The following PPARGC1B variants were observed in gnomAD, a reference collection of about 807,000 sequenced individuals.
PPARGC1B encodes the protein peroxisome proliferator-activated receptor gamma coactivator 1-beta.
PPARGC1B carries 34 observed loss-of-function variants against 101.6 expected under a neutral mutation model. That is an observed-to-expected ratio of 0.33 (90% CI 0.25 to 0.45). PPARGC1B has a LOEUF of 0.45. PPARGC1B is among the 20% of genes least tolerant of loss of function. The probability of loss-of-function intolerance (pLI) is 1.00; values close to 1 mark genes in which losing one functional copy is unlikely to be tolerated. For synonymous variants in PPARGC1B, 548 were observed against 539.3 expected (o/e 1.02, Z -0.22); for missense variants, 1,234 against 1,317.6 (o/e 0.94, Z 0.98).
intron 1 of PPARGC1B, among the ~76,000 whole-genome samples, chr5:149,799,693 G>GTTGTTGTTGTTGTTTTTTTTTTTT (rs752427488): frequency 1.3e-5 from 1 of 76,480 alleles, no homozygotes; most frequent in African/African-American, 5.7e-5. Flanking sequence ...GCTTGTTGTT[G>GTTGTTGTTGTTGTTTTTTTTTTTT]TTTTTTTTTT....
intron 1 of PPARGC1B, among the ~76,000 whole-genome samples, chr5:149,784,106 C>T (rs1336246326): frequency 1.3e-5 from 2 of 151,962 alleles, no homozygotes; most frequent in African/African-American, 4.8e-5. Context: ...ATTGCATCAC[C>T]CCAACCCCAG....
Position 149,826,816 on chromosome 5 carries a change from A to G in PPARGC1B, c.396A>G (p.Ser132=), listed in dbSNP as rs771960761. 3.1e-6 allele frequency: 5 copies of G among 1,613,624 alleles called. No homozygotes were observed. The highest frequency in any genetic ancestry group is 4.2e-6 in the Non-Finnish European group (5 of 1,179,770). Residue 132 remains serine, a synonymous_variant, in exon 3 of 12, where the codon TCA becomes TCG. Coordinates refer to ENST00000309241, the MANE Select transcript of PPARGC1B (RefSeq NM_133263.4). ...LSCTSASPAP[S]SAPPSPAPEK... ...GCACCTCAGCTTCGCCTGCCCCCTC[A>G]TCTGCACCCCCCAGCCCTGCCCCGG...
intron 1 of PPARGC1B, among the ~76,000 whole-genome samples, chr5:149,802,518 TG>T (rs1269999508): frequency 2.0e-5 from 3 of 151,630 alleles, no homozygotes; most frequent in African/African-American, 7.3e-5. Flanking sequence ...AGGCAGGATT[TG>T]GGATGGAGGC....
rs1758810561 is a variant in PPARGC1B at position 149,832,181 on chromosome 5, CGCCTGT to C, written c.583-474_583-469del. ...AAAATTAGCCGGGTGTGGTGATGCA[CGCCTGT>C]AATCCCAACTACTCGGGAGGCTGAG... On this transcript the variant is annotated intron_variant, in intron 4 of 11. Coordinates refer to ENST00000309241, the MANE Select transcript of PPARGC1B (RefSeq NM_133263.4). This position sits in a 1 kb window ranked among gnomAD's most constrained non-coding sequence, Gnocchi z 4.9. Among the ~76,000 whole-genome samples the C allele has an allele frequency of 1.3e-5, 2 of 152,154 alleles. No homozygotes were observed. Among genetic ancestry groups the C allele is most frequent in the African/African-American group, 4.8e-5 (2 of 41,406 alleles).
rs548704688 is a variant in PPARGC1B at position 149,832,035 on chromosome 5, G to A, written c.583-621G>A. ...CATATCCATCATTCAGGCTGGTCGC[G>A]GTGGCTCACGCCTGTAATCCCAGCA... On this transcript the variant is annotated intron_variant, in intron 4 of 11. Coordinates refer to ENST00000309241, the MANE Select transcript of PPARGC1B (RefSeq NM_133263.4). The surrounding 1 kb of genome is among the most constrained non-coding windows in gnomAD (Gnocchi z 4.9). Among the ~76,000 whole-genome samples the A allele has an allele frequency of 2.0e-5, 3 of 152,158 alleles. No homozygotes were observed. The highest frequency in any genetic ancestry group is 4.4e-5 in the Non-Finnish European group (3 of 68,022).
At chr5:149,798,795 G>C (rs756798833) in intron 1 of PPARGC1B, among the ~76,000 whole-genome samples, 1 of 152,180 alleles carries the variant, frequency 6.6e-6, no homozygotes, top group Non-Finnish European at 1.5e-5. Flanking sequence ...CTGTAGAGTG[G>C]ACTGGACAGT....
intron 1 of PPARGC1B, among the ~76,000 whole-genome samples, chr5:149,808,069 A>G (rs952208647): frequency 6.6e-6 from 1 of 152,216 alleles, no homozygotes; most frequent in Admixed American, 6.5e-5. Context: ...AAAGGCAGAA[A>G]CAGCAACGGG....
chr5:149,742,608 A>T (rs1300495720), intron 1 of PPARGC1B, among the ~76,000 whole-genome samples: 1 of 152,204 alleles, frequency 6.6e-6, no homozygotes, highest in Non-Finnish European at 1.5e-5. Flanking sequence ...AAAAGAGCCA[A>T]CACTTAGAGA....
chr5:149,754,311 G>A (rs11746929), intron 1 of PPARGC1B, among the ~76,000 whole-genome samples: 34,864 of 134,590 alleles, frequency 0.26, 4,328 homozygotes, highest in Admixed American at 0.38. Context: ...TCCTTCTTGC[G>A]TGCCCCCCTC....
chr5:149,809,404 A>G (rs1216528321), intron 1 of PPARGC1B, among the ~76,000 whole-genome samples: 49 of 86,356 alleles, frequency 5.7e-4, no homozygotes, highest in African/African-American at 8.9e-4. Context: ...CATCTCTACC[A>G]TAGATAGATA....
At chr5:149,857,044 T>G (rs1490107505), downstream of PPARGC1B, among the ~76,000 whole-genome samples, 1 of 152,162 alleles carries the variant, frequency 6.6e-6, no homozygotes, top group African/African-American at 2.4e-5. Flanking sequence ...AGTGCTGGGA[T>G]TACAGGCATT....
At position 149,836,480 on chromosome 5, in the gene PPARGC1B, A is replaced by T. The variant is rs1303503843; in HGVS notation, c.2025A>T (p.Pro675=). The change falls in exon 8 of 12, where the codon CCA becomes CCT. Residue 675 remains proline, a synonymous_variant. Coordinates refer to ENST00000309241, the MANE Select transcript of PPARGC1B (RefSeq NM_133263.4). ...ACCTGCGACATGCCACAGCCCAGCC[A>T]GCCTCCCAGGCTGGCCAGAAGCGTC... ...LSHLRHATAQ[P]ASQAGQKRPF... 6.2e-7 allele frequency: 1 copy of T among 1,614,020 alleles called. No individual in the cohort carries two copies. Among genetic ancestry groups the T allele is most frequent in the Non-Finnish European group, 8.5e-7 (1 of 1,180,034 alleles).
At chr5:149,773,820 A>G (rs1270200243) in intron 1 of PPARGC1B, among the ~76,000 whole-genome samples, 2 of 152,044 alleles carry the variant, frequency 1.3e-5, no homozygotes, top group Non-Finnish European at 2.9e-5. Context: ...AGCTGAGTGC[A>G]AACTTCAGGA....
intron 1 of PPARGC1B, among the ~76,000 whole-genome samples, chr5:149,798,688 G>A (rs1276827872): frequency 1.3e-5 from 2 of 152,248 alleles, no homozygotes; most frequent in Admixed American, 6.5e-5. Context: ...GTATGGCTCA[G>A]ATGACCAGCA....
chr5:149,759,529 G>A (rs1300723161), intron 1 of PPARGC1B, among the ~76,000 whole-genome samples: 1 of 152,204 alleles, frequency 6.6e-6, no homozygotes, highest in Non-Finnish European at 1.5e-5. Context: ...CCAGAAGCCA[G>A]ACACTGAGGG....
chr5:149,751,571 T>C (rs1199673143), intron 1 of PPARGC1B, among the ~76,000 whole-genome samples: 2 of 152,034 alleles, frequency 1.3e-5, no homozygotes, highest in Non-Finnish European at 2.9e-5. Context: ...CCAGGTGTGG[T>C]GGCACACGCC....
intron 1 of PPARGC1B, among the ~76,000 whole-genome samples, chr5:149,787,535 C>A (rs1473138880): frequency 6.6e-6 from 1 of 152,216 alleles, no homozygotes; most frequent in Non-Finnish European, 1.5e-5. Context: ...ACAGAGGTGA[C>A]CTGCTGATGT....
intron 1 of PPARGC1B, among the ~76,000 whole-genome samples, chr5:149,737,253 G>A (rs1402124920): frequency 5.3e-5 from 8 of 152,014 alleles, no homozygotes; most frequent in East Asian, 1.9e-4. Flanking sequence ...TTAGCTCTCC[G>A]GTATTTTAAA....
At chr5:149,771,835 T>C (rs1046639754) in intron 1 of PPARGC1B, 2 of 398,814 alleles carry the variant, frequency 5.0e-6, no homozygotes, top group Non-Finnish European at 4.4e-6. Context: ...CTCTGAGTTG[T>C]AGCATTTTCA....
Sources: allele counts gnomAD v4.1 joint callset (sites outside exome capture counted in the v4.1 genomes callset), GRCh38; gene constraint gnomAD v4.1.1; non-coding constraint Gnocchi (gnomAD v3.1); transcripts MANE v1.5; gene names NCBI Gene and HGNC (gene_info 2026-07-23, HGNC 2026-07-21).